SLC35F3: variants seen among roughly 807,000 people sequenced by gnomAD.
The protein encoded by SLC35F3 is solute carrier family 35 member F3, also known as putative thiamine transporter SLC35F3.
Under a neutral mutation model 49.9 loss-of-function variants are expected in SLC35F3, and 25 were observed. The observed-to-expected ratio is 0.50, with a 90% CI of 0.37 to 0.70. SLC35F3 has a LOEUF of 0.70. Among genes scored for constraint, SLC35F3 ranks in the 30% least tolerant of loss-of-function variants. SLC35F3 has a pLI of 0.00. For missense variants in SLC35F3, 525 were observed against 639.8 expected (o/e 0.82, Z 1.94); for synonymous variants, 275 against 265.4 (o/e 1.04, Z -0.35).
chr1:234,021,565 T>C (rs1663896761), intron 2 of SLC35F3, among the ~76,000 whole-genome samples: 1 of 152,172 alleles, frequency 6.6e-6, no homozygotes, highest in African/African-American at 2.4e-5. Context: ...TGTATTAATA[T>C]CACCTAGGAT....
At chr1:234,218,038 G>A (rs1270106368) in intron 2 of SLC35F3, among the ~76,000 whole-genome samples, 3 of 152,180 alleles carry the variant, frequency 2.0e-5, no homozygotes, top group Non-Finnish European at 4.4e-5. Context: ...GAGTGGGGCT[G>A]GGCCTTAGAT....
In SLC35F3 at chr1:234,317,188, T is replaced by C. The variant is rs1159891596; in HGVS notation, c.954+461T>C. Among the ~76,000 whole-genome samples the C allele has an allele frequency of 2.6e-5, 4 of 152,232 alleles. No homozygotes were observed. In the East Asian group the frequency reaches 7.7e-4, roughly 29 times the overall value. ...GCTATGAATCCATATGCATTTCAAG[T>C]ACTGCCTTGAAGGCTAAATAAATAA... On this transcript the variant is annotated intron_variant, in intron 5 of 7. Coordinates refer to ENST00000366618, the MANE Select transcript of SLC35F3 (RefSeq NM_173508.4).
intron 2 of SLC35F3, among the ~76,000 whole-genome samples, chr1:233,931,432 A>G (rs1241872263): frequency 1.3e-5 from 2 of 152,234 alleles, no homozygotes; most frequent in East Asian, 3.8e-4. Context: ...AACTTAAACA[A>G]ATTTACAAGA....
chr1:234,105,310 T>G (rs1461332557), intron 2 of SLC35F3, among the ~76,000 whole-genome samples: 1 of 152,060 alleles, frequency 6.6e-6, no homozygotes, highest in African/African-American at 2.4e-5. Context: ...GATGAACAAT[T>G]GACTGGGGAA....
Position 234,046,306 on chromosome 1 carries a change from TTTTC to T in SLC35F3, c.283+140549_283+140552del, listed in dbSNP as rs1262031387. Among the ~76,000 whole-genome samples the T allele has an allele frequency of 6.6e-6, 1 of 152,212 alleles. No homozygotes were observed. On this transcript the variant is annotated intron_variant, in intron 2 of 7. Coordinates refer to ENST00000366618, the MANE Select transcript of SLC35F3 (RefSeq NM_173508.4). The surrounding 1 kb of genome is among the most constrained non-coding windows in gnomAD (Gnocchi z 4.4). ...CCTGCTATTGAAGATTTTAAATACT[TTTTC>T]AATCTAATGCTTATGAAGTGGATGG...
In SLC35F3 at chr1:234,240,869, G is replaced by T. The variant is rs12049170; in HGVS notation, c.608+9128G>T. Among the ~76,000 whole-genome samples, 27 of 152,278 alleles carry T rather than the reference G, an allele frequency of 1.8e-4. No individual in the cohort carries two copies. In the East Asian group the frequency reaches 5.2e-3, roughly 29 times the overall value. The stretch of plus-strand genomic sequence containing the variant: ...CAGGAGGAAGGAGCCTTTCTTGGCA[G>T]AGATGAACTTTGAGACAAGTCCTGA... On this transcript the variant is annotated intron_variant, in intron 3 of 7. Coordinates refer to ENST00000366618, the MANE Select transcript of SLC35F3 (RefSeq NM_173508.4).
At chr1:234,183,023 T>G (rs1182292826) in intron 2 of SLC35F3, among the ~76,000 whole-genome samples, 1 of 142,988 alleles carries the variant, frequency 7.0e-6, no homozygotes, top group African/African-American at 2.4e-5. Context: ...GACTTTTTGT[T>G]TGTTTGTTTT....
At chr1:234,054,641 A>G (rs1664428343) in intron 2 of SLC35F3, among the ~76,000 whole-genome samples, 1 of 152,186 alleles carries the variant, frequency 6.6e-6, no homozygotes, top group Admixed American at 6.5e-5. Flanking sequence ...TTCTTCTGTC[A>G]ACTCATCAAA....
chr1:234,034,276 A>G (rs369069969), intron 2 of SLC35F3, among the ~76,000 whole-genome samples: 4 of 152,144 alleles, frequency 2.6e-5, no homozygotes, highest in South Asian at 4.2e-4. Flanking sequence ...AGGGTATACA[A>G]TCATATCATC....
In SLC35F3 at chr1:234,231,576, C is replaced by A; in HGVS notation, c.443C>A (p.Ser148Ter). 6.2e-7 allele frequency: 1 copy of A among 1,614,166 alleles called. No homozygotes were observed. The highest frequency in any genetic ancestry group is 8.5e-7 in the Non-Finnish European group (1 of 1,180,010). The change falls in exon 3 of 8, where the codon TCG becomes TAG. Residue 148 changes from serine to a stop codon, truncating the protein, a stop_gained. Coordinates refer to ENST00000366618, the MANE Select transcript of SLC35F3 (RefSeq NM_173508.4). LOFTEE classifies it high-confidence loss of function. The surrounding 1 kb of genome is among the most constrained non-coding windows in gnomAD (Gnocchi z 5.4). Reference sequence around the variant, plus strand: ...GCGGTCGTGCTGTGCGTGTGCTCCTCGTGGGCGGGCTCCACGCAGCTCGCC... The same window carrying A: ...GCGGTCGTGCTGTGCGTGTGCTCCTAGTGGGCGGGCTCCACGCAGCTCGCC... ...GVAVVLCVCS[S>*]WAGSTQLAKL...
chr1:234,152,227 G>GTTGTTATTA (rs1364580980), intron 2 of SLC35F3, among the ~76,000 whole-genome samples: 2 of 144,576 alleles, frequency 1.4e-5, no homozygotes, highest in African/African-American at 5.3e-5. Context: ...TATTATTATT[G>GTTGTTATTA]TTATTATTAT....
At chr1:234,139,995 A>AAAATAAAATAAAAT in intron 2 of SLC35F3, among the ~76,000 whole-genome samples, 2 of 140,204 alleles carry the variant, frequency 1.4e-5, no homozygotes, top group African/African-American at 5.1e-5. Flanking sequence ...AAAATAAAAT[A>AAAATAAAATAAAAT]AAATAAAGTA....
At position 234,321,228 on chromosome 1, in the gene SLC35F3, G is replaced by A. The variant is rs189655881; in HGVS notation, c.1237+1041G>A. Among the ~76,000 whole-genome samples the A allele has an allele frequency of 4.1e-4, 62 of 151,464 alleles. No individual in the cohort carries two copies. The East Asian group carries it at 5.4e-3, about 13-fold the overall frequency. ...CCCAGAAGGACTGCCTCACAGCGGC[G>A]GCAGTGTACCAGGCCTGGGGGAGGT... On this transcript the variant is annotated intron_variant, in intron 7 of 7. Coordinates refer to ENST00000366618, the MANE Select transcript of SLC35F3 (RefSeq NM_173508.4).
At chr1:234,218,776 T>G (rs986617568) in intron 2 of SLC35F3, among the ~76,000 whole-genome samples, 7 of 152,146 alleles carry the variant, frequency 4.6e-5, no homozygotes, top group Admixed American at 3.3e-4. Context: ...AAATGCTCCC[T>G]AAAGCTCCCA....
At chr1:234,142,270 G>A (rs1268770590) in intron 2 of SLC35F3, among the ~76,000 whole-genome samples, 2 of 151,724 alleles carry the variant, frequency 1.3e-5, no homozygotes, top group Admixed American at 6.6e-5. Context: ...TAAAGCTTAC[G>A]AAAAAAAAGA....
chr1:234,070,592 G>A (rs1453958242), intron 2 of SLC35F3, among the ~76,000 whole-genome samples: 3 of 152,158 alleles, frequency 2.0e-5, no homozygotes, highest in Non-Finnish European at 4.4e-5. Context: ...CTAACAGAAT[G>A]TTGGGTGTGT....
At chr1:234,285,408 G>C (rs1378596099) in intron 3 of SLC35F3, 1 of 459,620 alleles carries the variant, frequency 2.2e-6, no homozygotes. Context: ...AATCCTTGAA[G>C]AAAATGACGT....
chr1:234,250,813 G>T (rs1049944205), intron 3 of SLC35F3, among the ~76,000 whole-genome samples: 2 of 152,090 alleles, frequency 1.3e-5, no homozygotes, highest in Non-Finnish European at 2.9e-5. Flanking sequence ...AAAGAGAGAG[G>T]AGGGGGCACC....
intron 2 of SLC35F3, among the ~76,000 whole-genome samples, chr1:233,938,757 G>A (rs1482688838): frequency 1.3e-5 from 2 of 151,870 alleles, no homozygotes; most frequent in East Asian, 3.9e-4. Context: ...TGGAAAGATG[G>A]GTGGATGGAT....
Sources: allele counts gnomAD v4.1 joint callset (sites outside exome capture counted in the v4.1 genomes callset), GRCh38; gene constraint gnomAD v4.1.1; non-coding constraint Gnocchi (gnomAD v3.1); transcripts MANE v1.5; gene names NCBI Gene and HGNC (gene_info 2026-07-23, HGNC 2026-07-21).